FBXL2: variants seen among roughly 807,000 people sequenced by gnomAD.
FBXL2 encodes F-box and leucine rich repeat protein 2.
In FBXL2, 38 loss-of-function variants were observed where a neutral mutation model predicts 69.2. The ratio of observed to expected loss-of-function variants is 0.55; its 90% CI spans 0.42 to 0.72. The LOEUF is 0.72. Ranked by LOEUF, FBXL2 falls within the 30% of genes least tolerant of loss-of-function variation. FBXL2 has a pLI of 0.00. For missense variants in FBXL2, 354 were observed against 520.3 expected (o/e 0.68, Z 3.11); for synonymous variants, 192 against 201.3 (o/e 0.95, Z 0.39).
downstream of FBXL2, among the ~76,000 whole-genome samples, chr3:33,408,537 C>G (rs41285091): frequency 1.3e-5 from 2 of 152,022 alleles, no homozygotes; most frequent in Non-Finnish European, 2.9e-5. Flanking sequence ...CAGTGAGGAA[C>G]AAACAGAAGC....
At chr3:33,408,856 C>T in the FBXL2 span, 1 of 1,389,192 alleles carries the variant, frequency 7.2e-7, no homozygotes, top group Non-Finnish European at 1.0e-6. Flanking sequence ...AAAGATCTAA[C>T]ACCCTGTTTC....
intron 2 of FBXL2, among the ~76,000 whole-genome samples, chr3:33,315,341 G>C (rs886287111): frequency 4.9e-5 from 6 of 123,422 alleles, no homozygotes; most frequent in African/African-American, 1.9e-4. Context: ...TCTTTCTTTT[G>C]CCATGGCAGT....
chr3:33,315,429 T>C (rs1315791013), intron 2 of FBXL2, among the ~76,000 whole-genome samples: 1 of 151,122 alleles, frequency 6.6e-6, no homozygotes, highest in Non-Finnish European at 1.5e-5. Flanking sequence ...TTTTGTATTA[T>C]CAATGCAAAT....
downstream of FBXL2, among the ~76,000 whole-genome samples, chr3:33,404,799 T>C (rs2044373301): frequency 6.6e-6 from 1 of 152,200 alleles, no homozygotes; most frequent in African/African-American, 2.4e-5. Context: ...CACATAAAAA[T>C]GTCCCTGGGA....
chr3:33,361,408 G>T (rs887058693), intron 4 of FBXL2, among the ~76,000 whole-genome samples: 4 of 152,144 alleles, frequency 2.6e-5, no homozygotes, highest in African/African-American at 9.7e-5. Flanking sequence ...CTACTCAGGA[G>T]GCTGAGGTGG....
At chr3:33,388,825 A>AAACAT (rs1376432760), downstream of FBXL2, 3 of 152,220 alleles carry the variant, frequency 2.0e-5, no homozygotes, top group African/African-American at 7.2e-5. Context: ...TTTATGAATA[A>AAACAT]AACATAAAAT....
intron 5 of FBXL2, among the ~76,000 whole-genome samples, chr3:33,368,918 T>C (rs2042119965): frequency 1.3e-5 from 2 of 152,022 alleles, no homozygotes; most frequent in Non-Finnish European, 2.9e-5. Flanking sequence ...TGACAATCTT[T>C]GCTTTTTAAT....
chr3:33,414,315 C>A, the FBXL2 span: 1 of 151,966 alleles, frequency 6.6e-6, no homozygotes, highest in African/African-American at 2.4e-5. Flanking sequence ...AAAGGAACTT[C>A]TTATATGAAA....
the FBXL2 span, among the ~76,000 whole-genome samples, chr3:33,420,518 C>T: frequency 2.2e-5 from 3 of 133,392 alleles, no homozygotes; most frequent in African/African-American, 8.6e-5. Context: ...GAGACAGAGT[C>T]TCACACTGCC....
At chr3:33,298,461 C>T (rs560600061) in intron 2 of FBXL2, among the ~76,000 whole-genome samples, 12 of 151,906 alleles carry the variant, frequency 7.9e-5, no homozygotes, top group African/African-American at 1.4e-4. Context: ...CACTTGAGGC[C>T]GGGAATTTGA....
chr3:33,356,095 G>T (rs565537174), intron 2 of FBXL2, among the ~76,000 whole-genome samples: 1 of 152,242 alleles, frequency 6.6e-6, no homozygotes, highest in Admixed American at 6.5e-5. Flanking sequence ...TGCACCTGTT[G>T]GTTCCTATGT....
At chr3:33,344,657 T>C (rs1288029845) in intron 2 of FBXL2, among the ~76,000 whole-genome samples, 1 of 152,100 alleles carries the variant, frequency 6.6e-6, no homozygotes, top group African/African-American at 2.4e-5. Flanking sequence ...ATCAATTACT[T>C]GAGCATCAAT....
chr3:33,342,891 C>CTATT (rs2040159487), intron 2 of FBXL2, among the ~76,000 whole-genome samples: 1 of 96,420 alleles, frequency 1.0e-5, no homozygotes, highest in African/African-American at 4.8e-5. Context: ...CCACGCCCAG[C>CTATT]TGTTTTTTTT....
chr3:33,393,243 A>G (rs949884049), intron 12 of FBXL2: 3 of 1,428,116 alleles, frequency 2.1e-6, no homozygotes, highest in Non-Finnish European at 2.8e-6. Context: ...GAATTTTTCT[A>G]CAGTTCTACA....
At chr3:33,293,172 A>G (rs1387494269) in intron 1 of FBXL2, among the ~76,000 whole-genome samples, 1 of 152,150 alleles carries the variant, frequency 6.6e-6, no homozygotes, top group Non-Finnish European at 1.5e-5. Context: ...TGGTTTTATA[A>G]TAGTAATTGG....
At chr3:33,352,328 T>A (rs2040882254) in intron 2 of FBXL2, among the ~76,000 whole-genome samples, 1 of 152,050 alleles carries the variant, frequency 6.6e-6, no homozygotes. Context: ...TCAAAATGGA[T>A]CATATACCTA....
At chr3:33,316,459 T>A (rs1426444012) in intron 2 of FBXL2, among the ~76,000 whole-genome samples, 1 of 152,122 alleles carries the variant, frequency 6.6e-6, no homozygotes, top group Non-Finnish European at 1.5e-5. Flanking sequence ...TGTTTTTGAG[T>A]TCCTATGGCT....
At chr3:33,378,006 A>T (rs2042755408) in intron 11 of FBXL2, 97 bp from the exon 12 acceptor site, 17 of 1,164,920 alleles carry the variant, frequency 1.5e-5, no homozygotes, top group Non-Finnish European at 2.2e-5. Context: ...AGAAGAGAAC[A>T]AGGACACTGG....
intron 1 of FBXL2, among the ~76,000 whole-genome samples, chr3:33,296,309 A>G (rs1241979186): frequency 6.6e-6 from 1 of 151,976 alleles, no homozygotes; most frequent in Non-Finnish European, 1.5e-5. Flanking sequence ...CAAGCTATCC[A>G]CCTGCCTTGG....
Sources: allele counts gnomAD v4.1 joint callset (sites outside exome capture counted in the v4.1 genomes callset), GRCh38; gene constraint gnomAD v4.1.1; transcripts MANE v1.5; gene names NCBI Gene and HGNC (gene_info 2026-07-23, HGNC 2026-07-21).